The following MAML3 variants were observed in gnomAD, a reference collection of about 807,000 sequenced individuals.
MAML3 encodes the protein mastermind like transcriptional coactivator 3, also known as mastermind-like protein 3.
MAML3 carries 27 observed loss-of-function variants against 101.9 expected under a neutral mutation model. The ratio of observed to expected loss-of-function variants is 0.27; its 90% CI spans 0.20 to 0.37. The LOEUF is 0.37. Among genes scored for constraint, MAML3 ranks in the 10% least tolerant of loss-of-function variants. The pLI is 1.00. For missense variants in MAML3, 1,316 were observed against 1,444.9 expected, an observed-to-expected ratio of 0.91 and a Z score of 1.45; for synonymous variants, 501 against 555.9, an observed-to-expected ratio of 0.90 and a Z score of 1.39.
At chr4:139,930,224 T>C (rs1474177766) in intron 1 of MAML3, among the ~76,000 whole-genome samples, 1 of 152,222 alleles carries the variant, frequency 6.6e-6, no homozygotes, top group Non-Finnish European at 1.5e-5. Context: ...AGGCCAACTA[T>C]TTCTTCTTCA....
intron 2 of MAML3, among the ~76,000 whole-genome samples, chr4:139,749,267 A>G (rs188888952): frequency 9.9e-4 from 151 of 152,312 alleles, no homozygotes; most frequent in Middle Eastern, 3.4e-3. Flanking sequence ...TTGCATTAAC[A>G]CAGATTTCAA....
chr4:139,929,147 C>G (rs926359985), intron 1 of MAML3, among the ~76,000 whole-genome samples: 4 of 152,098 alleles, frequency 2.6e-5, no homozygotes, highest in African/African-American at 9.7e-5. Flanking sequence ...TGAGATAGAT[C>G]GCTTCCCTGT....
At chr4:140,069,169 T>A (rs1354125662) in intron 1 of MAML3, among the ~76,000 whole-genome samples, 1 of 152,170 alleles carries the variant, frequency 6.6e-6, no homozygotes, top group African/African-American at 2.4e-5. Context: ...TTCACCTTGA[T>A]TATTGCAACT....
At chr4:139,800,116 A>G (rs1730578077) in intron 2 of MAML3, among the ~76,000 whole-genome samples, 1 of 152,222 alleles carries the variant, frequency 6.6e-6, no homozygotes, top group Non-Finnish European at 1.5e-5. Context: ...AGTAAAAAGC[A>G]GAATCAGACT....
chr4:139,996,003 G>A (rs78852167), intron 1 of MAML3, among the ~76,000 whole-genome samples: 3,413 of 151,862 alleles, frequency 0.022, 146 homozygotes, highest in African/African-American at 0.078. Context: ...TTTTCATTAA[G>A]TTCAAAATAT....
At chr4:139,930,097 G>A (rs2110728865) in intron 1 of MAML3, among the ~76,000 whole-genome samples, 1 of 152,264 alleles carries the variant, frequency 6.6e-6, no homozygotes, top group South Asian at 2.1e-4. Flanking sequence ...TGCTACAACG[G>A]TTCCTAAAAC....
At chr4:140,092,585 C>G (rs560657521) in intron 1 of MAML3, among the ~76,000 whole-genome samples, 197 of 152,336 alleles carry the variant, frequency 1.3e-3, no homozygotes, top group African/African-American at 4.5e-3. Flanking sequence ...TGCTCACTCA[C>G]TCATCGTGGT....
intron 1 of MAML3, among the ~76,000 whole-genome samples, chr4:139,940,016 G>A (rs575389113): frequency 1.9e-4 from 29 of 152,064 alleles, no homozygotes; most frequent in Middle Eastern, 3.4e-3. Flanking sequence ...CGTCCACCTC[G>A]GCCTCCCAAA....
chr4:140,118,938 A>T (rs1317773285), intron 1 of MAML3, among the ~76,000 whole-genome samples: 1 of 152,206 alleles, frequency 6.6e-6, no homozygotes, highest in African/African-American at 2.4e-5. Context: ...AAGTGTAATC[A>T]TTCAAACCAA....
chr4:140,073,220 C>T (rs1191147044), intron 1 of MAML3, among the ~76,000 whole-genome samples: 1 of 152,030 alleles, frequency 6.6e-6, no homozygotes, highest in African/African-American at 2.4e-5. Context: ...TCACTGCAAC[C>T]TCCACCTCCT....
intron 1 of MAML3, among the ~76,000 whole-genome samples, chr4:140,004,392 C>T (rs1400209145): frequency 1.3e-5 from 2 of 152,290 alleles, no homozygotes; most frequent in East Asian, 3.9e-4. Flanking sequence ...CAGATCCACA[C>T]AGGGGCACTG....
At chr4:139,972,941 A>C (rs1425600441) in intron 1 of MAML3, among the ~76,000 whole-genome samples, 1 of 152,252 alleles carries the variant, frequency 6.6e-6, no homozygotes, top group Non-Finnish European at 1.5e-5. Context: ...TGCACCAAAA[A>C]TACCAGGTAT....
intron 1 of MAML3, among the ~76,000 whole-genome samples, chr4:140,151,309 G>C (rs554309307): frequency 1.8e-4 from 27 of 151,984 alleles, no homozygotes; most frequent in South Asian, 6.2e-4. Flanking sequence ...GGGGTTGAGC[G>C]CCCCCGGAGA....
chr4:139,741,738 C>G (rs963715454), intron 2 of MAML3, among the ~76,000 whole-genome samples: 2 of 152,150 alleles, frequency 1.3e-5, no homozygotes, highest in African/African-American at 4.8e-5. Flanking sequence ...CAGAGTGAGA[C>G]CCTGTCTCAA....
chr4:139,741,324 C>A (rs909563868), intron 2 of MAML3, among the ~76,000 whole-genome samples: 1 of 152,182 alleles, frequency 6.6e-6, no homozygotes, highest in Non-Finnish European at 1.5e-5. Context: ...CATAAGACCA[C>A]CTGACCCTGG....
At chr4:139,904,499 G>A (rs913157099) in intron 1 of MAML3, among the ~76,000 whole-genome samples, 4 of 152,200 alleles carry the variant, frequency 2.6e-5, no homozygotes, top group Admixed American at 6.5e-5. Flanking sequence ...AGACAGTGTC[G>A]TTTGCAGTAG....
At chr4:139,732,353 C>G (rs1320961194) in intron 2 of MAML3, among the ~76,000 whole-genome samples, 1 of 152,142 alleles carries the variant, frequency 6.6e-6, no homozygotes, top group Non-Finnish European at 1.5e-5. Context: ...TAGAACCATG[C>G]AGGCTTCCCT....
At chr4:140,142,436 T>A (rs150531074) in intron 1 of MAML3, among the ~76,000 whole-genome samples, 2 of 152,312 alleles carry the variant, frequency 1.3e-5, no homozygotes, top group Non-Finnish European at 2.9e-5. Flanking sequence ...TTTCAAGTCA[T>A]AGAAATATAA....
At chr4:139,913,753 G>T (rs1395530713) in intron 1 of MAML3, among the ~76,000 whole-genome samples, 2 of 152,186 alleles carry the variant, frequency 1.3e-5, no homozygotes, top group Non-Finnish European at 2.9e-5. Flanking sequence ...CCTTGGAAGG[G>T]TAGCTCAGCT....
Sources: gnomAD v4.1 joint callset for allele counts (sites outside exome capture counted in the v4.1 genomes callset) on GRCh38, gnomAD v4.1.1 for gene constraint, MANE v1.5 for transcripts, NCBI Gene and HGNC (gene_info 2026-07-23, HGNC 2026-07-21) for gene names.